ITPR2: variants seen among roughly 807,000 people sequenced by gnomAD.
The protein encoded by ITPR2 is inositol 1,4,5-trisphosphate-gated calcium channel ITPR2.
A neutral mutation model predicts 317.1 loss-of-function variants in ITPR2; 207 were observed. The observed-to-expected ratio is 0.65, with a 90% CI of 0.58 to 0.73. ITPR2 has a LOEUF of 0.73. Ranked by LOEUF, ITPR2 falls within the 30% of genes least tolerant of loss-of-function variation. The pLI, the probability that ITPR2 is intolerant of heterozygous loss-of-function variation, is 0.00. For missense variants in ITPR2, 2,613 were observed against 3,284.0 expected, an observed-to-expected ratio of 0.80 and a Z score of 4.99; for synonymous variants, 1,156 against 1,149.1, an observed-to-expected ratio of 1.01 and a Z score of -0.12.
rs139425675 is a variant in ITPR2, at chr12:26,363,135, G to A, written c.7858-22807C>T. 2.2e-3 allele frequency among the ~76,000 whole-genome samples: 328 copies of A among 152,230 alleles called. 2 individuals carry two copies. The highest frequency in any genetic ancestry group is 7.8e-3 in the African/African-American group (322 of 41,524). ...TATTTACCCCATCGCCTGCATTACC[G>A]CCTGAGCTCCACCTCCGGTCACAGC... On this transcript the variant is annotated intron_variant, in intron 55 of 56. Transcript: ENST00000381340.
rs111923878 is a variant in ITPR2 at position 26,815,949 on chromosome 12, C to T, written c.92+16741G>A. On this transcript the variant is annotated intron_variant, in intron 1 of 56. Coordinates refer to ENST00000381340, the MANE Select transcript of ITPR2 (RefSeq NM_002223.4). ...TCCACTAAAAATACAAAAAATTAGC[C>T]GGGCGTGGTGGCACACGCCTGTAGT... Among the ~76,000 whole-genome samples the T allele has an allele frequency of 2.0e-4, 30 of 151,904 alleles. 1 individual carries two copies. The highest frequency in any genetic ancestry group is 5.6e-4 in the African/African-American group (23 of 41,440).
At chr12:26,541,738 G>A (rs1944268703) in intron 37 of ITPR2, among the ~76,000 whole-genome samples, 1 of 152,290 alleles carries the variant, frequency 6.6e-6, no homozygotes, top group Non-Finnish European at 1.5e-5. Context: ...ATGCATATTT[G>A]ATGTAGGAGT....
chr12:26,592,268 G>A (rs1168487574), intron 32 of ITPR2, among the ~76,000 whole-genome samples: 1 of 152,210 alleles, frequency 6.6e-6, no homozygotes, highest in Non-Finnish European at 1.5e-5. Flanking sequence ...GGGTAGTGGG[G>A]CAGAGGGGAA....
chr12:26,682,136 G>C (rs1421018972), intron 12 of ITPR2, 102 bp from the exon 13 acceptor site: 15 of 962,130 alleles, frequency 1.6e-5, no homozygotes, highest in Non-Finnish European at 2.3e-5. Flanking sequence ...GACAAGAATA[G>C]ATCATCCGAA....
At chr12:26,823,336 C>T (rs1950966576) in intron 1 of ITPR2, among the ~76,000 whole-genome samples, 1 of 152,110 alleles carries the variant, frequency 6.6e-6, no homozygotes, top group African/African-American at 2.4e-5. Flanking sequence ...CATTCCTGAC[C>T]TTGCAACATT....
intron 55 of ITPR2, among the ~76,000 whole-genome samples, chr12:26,378,690 T>C (rs1939416883): frequency 6.6e-6 from 1 of 152,246 alleles, no homozygotes. Flanking sequence ...CTTATTCTTA[T>C]CAGTGCCTCA....
In ITPR2 at chr12:26,632,036, G is replaced by A; in HGVS notation, c.2764C>T (p.His922Tyr). 6.3e-7 allele frequency: 1 copy of A among 1,583,490 alleles called. No homozygotes were observed. The highest frequency in any genetic ancestry group is 8.6e-7 in the Non-Finnish European group (1 of 1,166,634). ...TGGGTCATCATCTCTCCCACCCCAT[G>A]AATGGTTCTCATCACATTGTTTCCT... is the stretch of plus-strand genomic sequence containing the variant. ...DGGNNVMRTI[H>Y]GVGEMMTQMV... Residue 922 changes from histidine (H) to tyrosine (Y), a missense_variant, in exon 22 of 57, where the codon CAT (histidine) becomes TAT (tyrosine). By Grantham distance (83) the His-to-Tyr change is moderately conservative. Transcript: ENST00000381340.
intron 10 of ITPR2, among the ~76,000 whole-genome samples, chr12:26,688,155 C>T (rs1948164976): frequency 6.6e-6 from 1 of 152,056 alleles, no homozygotes; most frequent in Admixed American, 6.6e-5. Context: ...CCCACCTCGG[C>T]CTCCTGGGTA....
chr12:26,471,520 T>G (rs958934498), intron 45 of ITPR2, among the ~76,000 whole-genome samples: 4 of 152,158 alleles, frequency 2.6e-5, no homozygotes, highest in African/African-American at 9.7e-5. Flanking sequence ...AATTCCCTTT[T>G]TGAGGTACTT....
intron 9 of ITPR2, among the ~76,000 whole-genome samples, chr12:26,698,865 A>G (rs1448162800): frequency 6.6e-6 from 1 of 152,126 alleles, no homozygotes; most frequent in African/African-American, 2.4e-5. Flanking sequence ...CTTCTGATTA[A>G]AGAAACACAT....
intron 37 of ITPR2, among the ~76,000 whole-genome samples, chr12:26,500,462 G>A (rs1348262795): frequency 6.6e-6 from 1 of 152,208 alleles, no homozygotes; most frequent in African/African-American, 2.4e-5. Flanking sequence ...TTTGCTGAGT[G>A]AGGACAAGCA....
At chr12:26,799,828 T>C (rs1389387099) in intron 1 of ITPR2, among the ~76,000 whole-genome samples, 1 of 152,246 alleles carries the variant, frequency 6.6e-6, no homozygotes, top group African/African-American at 2.4e-5. Flanking sequence ...TCTCAGAATA[T>C]AAACAGGCAT....
chr12:26,654,568 G>C (rs1947332579), intron 20 of ITPR2, among the ~76,000 whole-genome samples: 1 of 152,172 alleles, frequency 6.6e-6, no homozygotes. Context: ...CTACCTCCAA[G>C]ATGTGGCCCC....
chr12:26,431,232 A>G (rs775192638), intron 48 of ITPR2, among the ~76,000 whole-genome samples: 17 of 152,192 alleles, frequency 1.1e-4, no homozygotes, highest in Non-Finnish European at 2.9e-5. Context: ...ACAAATTCTA[A>G]TATAATTTTT....
intron 37 of ITPR2, among the ~76,000 whole-genome samples, chr12:26,537,538 T>C (rs1944132427): frequency 6.6e-6 from 1 of 152,228 alleles, no homozygotes; most frequent in Admixed American, 6.5e-5. Flanking sequence ...GGGATGGAGT[T>C]ATATAAGTAC....
intron 1 of ITPR2, among the ~76,000 whole-genome samples, chr12:26,803,651 T>C (rs977862053): frequency 2.0e-5 from 3 of 152,160 alleles, no homozygotes; most frequent in African/African-American, 7.2e-5. Context: ...AGCCAAAACA[T>C]TTTTTTCCTT....
chr12:26,788,893 T>C (rs1950300382), intron 2 of ITPR2, among the ~76,000 whole-genome samples: 1 of 152,210 alleles, frequency 6.6e-6, no homozygotes, highest in Non-Finnish European at 1.5e-5. Flanking sequence ...GTCCTTCCAT[T>C]AGGGTTTCTC....
chr12:26,637,812 A>G (rs906675688), intron 21 of ITPR2, among the ~76,000 whole-genome samples: 1 of 152,198 alleles, frequency 6.6e-6, no homozygotes, highest in Admixed American at 6.5e-5. Flanking sequence ...TCAAAACACA[A>G]TATTGACTCT....
At chr12:26,506,833 A>G (rs1943200557) in intron 37 of ITPR2, among the ~76,000 whole-genome samples, 2 of 152,226 alleles carry the variant, frequency 1.3e-5, no homozygotes, top group Non-Finnish European at 2.9e-5. Flanking sequence ...TGCACGTCAT[A>G]CAAGGATCTG....
Sources: gnomAD v4.1 joint callset for allele counts (sites outside exome capture counted in the v4.1 genomes callset) on GRCh38, gnomAD v4.1.1 for gene constraint, MANE v1.5 for transcripts, NCBI Gene and HGNC (gene_info 2026-07-23, HGNC 2026-07-21) for gene names.